The following PRDM16 variants were observed in gnomAD, a reference collection of about 807,000 sequenced individuals.
PRDM16 encodes PR/SET domain 16.
A neutral mutation model predicts 110.6 loss-of-function variants in PRDM16; 23 were observed. The observed-to-expected ratio is 0.21, with a 90% CI of 0.15 to 0.29. The LOEUF is 0.29. PRDM16 is among the 10% of genes least tolerant of loss of function. The probability of loss-of-function intolerance (pLI) is 1.00; values close to 1 mark genes in which losing one functional copy is unlikely to be tolerated. For missense variants in PRDM16, 1,615 were observed against 1,794.3 expected, an observed-to-expected ratio of 0.90 and a Z score of 1.81; for synonymous variants, 799 against 781.8, an observed-to-expected ratio of 1.02 and a Z score of -0.37.
intron 4 of PRDM16, among the ~76,000 whole-genome samples, chr1:3,391,673 C>T (rs571311939): frequency 6.6e-6 from 1 of 152,354 alleles, no homozygotes; most frequent in East Asian, 1.9e-4. Context: ...CAGCTATGTG[C>T]AGGACAAGAG....
intron 3 of PRDM16, among the ~76,000 whole-genome samples, chr1:3,310,503 G>A (rs1641424832): frequency 6.6e-6 from 1 of 152,182 alleles, no homozygotes; most frequent in African/African-American, 2.4e-5. Flanking sequence ...GAGCTGCTGA[G>A]GGGTCTCAGC....
rs560999179 is a variant in PRDM16 at position 3,275,536 on chromosome 1, G to C, written c.438+31399G>C. Among the ~76,000 whole-genome samples, 11 of 150,060 alleles carry C rather than the reference G, an allele frequency of 7.3e-5. No individual in the cohort carries two copies. In the East Asian group the frequency reaches 7.7e-4, roughly 11 times the overall value. The stretch of plus-strand genomic sequence containing the variant: ...TCAGGCACTCGGCATGCCCCGAGGT[G>C]GGGGGGTTCAGGACGGGTCACCCTG... On this transcript the variant is annotated intron_variant, in intron 3 of 16. Coordinates refer to ENST00000270722, the MANE Select transcript of PRDM16 (RefSeq NM_022114.4).
chr1:3,215,875 ATCCCATTGT>A (rs1199998196), intron 2 of PRDM16, among the ~76,000 whole-genome samples: 1 of 152,078 alleles, frequency 6.6e-6, no homozygotes, highest in Admixed American at 6.5e-5. Flanking sequence ...AGCCTCATAC[ATCCCATTGT>A]TCCCGGGGCC....
At chr1:3,352,644 C>T (rs1260707324) in intron 3 of PRDM16, among the ~76,000 whole-genome samples, 1 of 152,244 alleles carries the variant, frequency 6.6e-6, no homozygotes, top group Non-Finnish European at 1.5e-5. Context: ...CGAATACTTG[C>T]GCTGGAATCG....
chr1:3,240,681 A>G (rs1020120953), intron 2 of PRDM16, among the ~76,000 whole-genome samples: 5 of 152,182 alleles, frequency 3.3e-5, no homozygotes, highest in Non-Finnish European at 7.3e-5. Context: ...ACCTTCTGGG[A>G]TCCATTTGTG....
intron 3 of PRDM16, among the ~76,000 whole-genome samples, chr1:3,333,702 T>G (rs1642088458): frequency 6.6e-6 from 1 of 152,166 alleles, no homozygotes; most frequent in Admixed American, 6.5e-5. Context: ...GTGTGATGCC[T>G]GATTTTGGAG....
intron 2 of PRDM16, among the ~76,000 whole-genome samples, chr1:3,199,193 C>T (rs1337134842): frequency 1.3e-5 from 2 of 152,290 alleles, no homozygotes. Context: ...TCTGGATCCT[C>T]GGGGACAGAA....
intron 3 of PRDM16, among the ~76,000 whole-genome samples, chr1:3,305,438 G>T (rs1025885703): frequency 1.3e-4 from 20 of 152,294 alleles, no homozygotes; most frequent in African/African-American, 4.8e-4. Flanking sequence ...GACACCTAGG[G>T]CCCGATCCAT....
At chr1:3,429,724 C>G (rs1490563232) in intron 14 of PRDM16, among the ~76,000 whole-genome samples, 1 of 152,232 alleles carries the variant, frequency 6.6e-6, no homozygotes, top group South Asian at 2.1e-4. Flanking sequence ...GAACTCTCCT[C>G]AAGCCCTGAA....
chr1:3,393,416 G>C (rs1224653849), intron 4 of PRDM16, among the ~76,000 whole-genome samples: 1 of 152,246 alleles, frequency 6.6e-6, no homozygotes, highest in East Asian at 1.9e-4. Context: ...CGCGGTCTGA[G>C]CAGGACCCAC....
chr1:3,110,078 T>C (rs75691533), intron 1 of PRDM16, among the ~76,000 whole-genome samples: 7,733 of 146,754 alleles, frequency 0.053, 139 homozygotes, highest in East Asian at 0.074. Context: ...CCCTCTGTCC[T>C]GGGTGTGGGG....
chr1:3,297,151 T>G (rs1178599766), intron 3 of PRDM16, among the ~76,000 whole-genome samples: 10 of 152,188 alleles, frequency 6.6e-5, no homozygotes, highest in Non-Finnish European at 2.9e-5. Flanking sequence ...TTGTCCTCTG[T>G]CCGCTTTCTG....
chr1:3,071,790 G>A (rs190150911), intron 1 of PRDM16, among the ~76,000 whole-genome samples: 1 of 152,306 alleles, frequency 6.6e-6, no homozygotes, highest in Non-Finnish European at 1.5e-5. Flanking sequence ...TTCAGGCTGG[G>A]CACAGAACAG....
At chr1:3,343,344 T>G (rs1244170333) in intron 3 of PRDM16, among the ~76,000 whole-genome samples, 1 of 151,362 alleles carries the variant, frequency 6.6e-6, no homozygotes, top group East Asian at 1.9e-4. Context: ...ATCAATTGAT[T>G]TTTAGATCTT....
intron 1 of PRDM16, among the ~76,000 whole-genome samples, chr1:3,166,247 C>T (rs1196554025): frequency 1.3e-5 from 2 of 152,266 alleles, no homozygotes; most frequent in African/African-American, 2.4e-5. Flanking sequence ...TGAGAAACAG[C>T]TCCCGAAGAG....
rs1638555259 is a variant in PRDM16 at position 3,425,047 on chromosome 1, G to A, written c.2940-534G>A. 1 of 153,862 alleles carries A rather than the reference G, an allele frequency of 6.5e-6. No homozygotes were observed. The highest frequency in any genetic ancestry group is 1.4e-5 in the Non-Finnish European group (1 of 70,142). 9.5% of individuals were successfully genotyped at this position (153,862 alleles called of 1,614,324 possible). The stretch of plus-strand genomic sequence containing the variant: ...CAGGGGGATCCACCAGCCAGCCACA[G>A]AACAGTAGGAGGGTGAACGCCTGCT... On this transcript the variant is annotated intron_variant, in intron 12 of 16. Coordinates refer to ENST00000270722, the MANE Select transcript of PRDM16 (RefSeq NM_022114.4). The surrounding 1 kb of genome is among the most constrained non-coding windows in gnomAD (Gnocchi z 6.9).
intron 3 of PRDM16, among the ~76,000 whole-genome samples, chr1:3,327,497 G>A (rs909061821): frequency 6.6e-5 from 10 of 152,122 alleles, no homozygotes; most frequent in South Asian, 2.1e-4. Flanking sequence ...CAACAACGGC[G>A]GCGGCCCCGG....
At chr1:3,397,546 C>T (rs577741329) in intron 5 of PRDM16, among the ~76,000 whole-genome samples, 3 of 152,396 alleles carry the variant, frequency 2.0e-5, no homozygotes, top group Admixed American at 6.5e-5. Context: ...GTCGGCTCCA[C>T]GCCGGTCCCT....
chr1:3,187,302 G>C (rs1435846691), intron 2 of PRDM16, among the ~76,000 whole-genome samples: 1 of 152,226 alleles, frequency 6.6e-6, no homozygotes, highest in Non-Finnish European at 1.5e-5. Flanking sequence ...TTTTGGCAGG[G>C]CCCCTGCCTG....
Sources: allele counts gnomAD v4.1 joint callset (sites outside exome capture counted in the v4.1 genomes callset), GRCh38; gene constraint gnomAD v4.1.1; non-coding constraint Gnocchi (gnomAD v3.1); transcripts MANE v1.5; gene names NCBI Gene and HGNC (gene_info 2026-07-23, HGNC 2026-07-21).